Variants in LRRC37A2 observed in about 807,000 individuals in gnomAD.
LRRC37A2 encodes leucine-rich repeat-containing protein 37A2.
LRRC37A2 carries 9 observed loss-of-function variants against 68.8 expected under a neutral mutation model. The ratio of observed to expected loss-of-function variants is 0.13; its 90% CI spans 0.08 to 0.23. LRRC37A2 has a LOEUF of 0.23. Among genes scored for constraint, LRRC37A2 ranks in the 10% least tolerant of loss-of-function variants. The probability of loss-of-function intolerance (pLI) is 1.00; values close to 1 mark genes in which losing one functional copy is unlikely to be tolerated. For missense variants in LRRC37A2, 168 were observed against 950.4 expected (o/e 0.18, Z 10.82); for synonymous variants, 63 against 367.6 (o/e 0.17, Z 9.48).
At chr17:46,609,770 G>A in the LRRC37A2 span, among the ~76,000 whole-genome samples, 164 of 143,810 alleles carry the variant, frequency 1.1e-3, 5 homozygotes, top group Middle Eastern at 0.011. Flanking sequence ...AGATCATGCA[G>A]CATTGAAGAT....
chr17:46,438,282 T>G, the LRRC37A2 span, among the ~76,000 whole-genome samples: 1 of 63,854 alleles, frequency 1.6e-5, no homozygotes, highest in African/African-American at 4.8e-5. Flanking sequence ...GATGATAGTT[T>G]ATTGCCACAG....
the LRRC37A2 span, among the ~76,000 whole-genome samples, chr17:46,855,186 G>A: frequency 6.6e-6 from 1 of 152,242 alleles, no homozygotes; most frequent in East Asian, 1.9e-4. Flanking sequence ...AAGACAGTAT[G>A]ATTCCCCCAG....
chr17:46,939,970 A>G, the LRRC37A2 span: 11 of 1,009,560 alleles, frequency 1.1e-5, no homozygotes, highest in Non-Finnish European at 1.3e-5. Context: ...ATGGCAAGAC[A>G]TAAAATGACA....
At chr17:46,816,042 C>A in the LRRC37A2 span, among the ~76,000 whole-genome samples, 1 of 152,070 alleles carries the variant, frequency 6.6e-6, no homozygotes, top group Non-Finnish European at 1.5e-5. Flanking sequence ...TGGCCATGAG[C>A]ACTGATATTC....
chr17:46,498,709 AAATTATACCAGTGGT>A, the LRRC37A2 span, among the ~76,000 whole-genome samples: 1 of 143,676 alleles, frequency 7.0e-6, no homozygotes, highest in African/African-American at 2.8e-5. Context: ...GGCCAAAGGA[AAATTATACCAGTGGT>A]AATACTAGAA....
the LRRC37A2 span, among the ~76,000 whole-genome samples, chr17:46,904,479 TGGA>T: frequency 6.8e-6 from 1 of 147,478 alleles, no homozygotes; most frequent in Non-Finnish European, 1.5e-5. Flanking sequence ...GATGGATGGA[TGGA>T]TGGATGGATG....
the LRRC37A2 span, among the ~76,000 whole-genome samples, chr17:46,728,506 A>G: frequency 2.0e-5 from 3 of 152,024 alleles, no homozygotes; most frequent in Non-Finnish European, 2.9e-5. Context: ...ATGGCAACCT[A>G]TAATCCCAGC....
the LRRC37A2 span, chr17:46,769,676 C>T: frequency 2.7e-4 from 407 of 1,487,554 alleles, 1 homozygote; most frequent in Admixed American, 5.1e-4. Context: ...AAAAGGAGCC[C>T]GCGACCCACA....
chr17:46,818,973 C>A, the LRRC37A2 span, among the ~76,000 whole-genome samples: 2 of 152,124 alleles, frequency 1.3e-5, no homozygotes, highest in Non-Finnish European at 2.9e-5. Context: ...CCTCTGCTAC[C>A]GCCGCGGTCC....
the LRRC37A2 span, among the ~76,000 whole-genome samples, chr17:46,583,995 A>ATATAT: frequency 8.6e-5 from 1 of 11,582 alleles, no homozygotes; most frequent in Admixed American, 9.8e-4. Context: ...ATATATATAT[A>ATATAT]ATATATATTT....
the LRRC37A2 span, chr17:46,936,062 G>T: frequency 1.0e-6 from 1 of 985,742 alleles, no homozygotes; most frequent in Non-Finnish European, 1.2e-6. Flanking sequence ...CTCTACGGGG[G>T]AGAGGGTCAG....
the LRRC37A2 span, among the ~76,000 whole-genome samples, chr17:46,977,710 C>G: frequency 6.6e-6 from 1 of 152,256 alleles, no homozygotes; most frequent in Non-Finnish European, 1.5e-5. Context: ...TTTCTTCCGT[C>G]TACTCATCTG....
chr17:46,589,339 A>G, the LRRC37A2 span, among the ~76,000 whole-genome samples: 2 of 39,834 alleles, frequency 5.0e-5, no homozygotes, highest in African/African-American at 1.8e-4. Flanking sequence ...AATAGGCGTG[A>G]ATTTTTTTTT....
the LRRC37A2 span, among the ~76,000 whole-genome samples, chr17:46,794,790 A>C: frequency 7.3e-6 from 1 of 136,966 alleles, no homozygotes; most frequent in African/African-American, 2.8e-5. Flanking sequence ...TTGCTCTGTC[A>C]CTCAGGCTGG....
At chr17:46,831,749 A>C in the LRRC37A2 span, among the ~76,000 whole-genome samples, 1 of 152,218 alleles carries the variant, frequency 6.6e-6, no homozygotes, top group Non-Finnish European at 1.5e-5. Flanking sequence ...TTCCAGCTTC[A>C]GCTTTCTCCT....
At chr17:46,915,173 A>G in the LRRC37A2 span, among the ~76,000 whole-genome samples, 1 of 152,258 alleles carries the variant, frequency 6.6e-6, no homozygotes, top group African/African-American at 2.4e-5. Context: ...GAGGTCACAC[A>G]GTAGGATTCA....
chr17:46,900,179 A>ATG, the LRRC37A2 span, among the ~76,000 whole-genome samples: 8 of 115,492 alleles, frequency 6.9e-5, no homozygotes, highest in African/African-American at 3.6e-4. Flanking sequence ...ATATATATAT[A>ATG]TATATATATA....
chr17:46,950,259 C>T, the LRRC37A2 span, among the ~76,000 whole-genome samples: 1 of 152,214 alleles, frequency 6.6e-6, no homozygotes, highest in Non-Finnish European at 1.5e-5. Context: ...GGTCTTCTTC[C>T]CTCCATACTG....
the LRRC37A2 span, among the ~76,000 whole-genome samples, chr17:46,989,910 G>A: frequency 1.8e-4 from 27 of 152,252 alleles, no homozygotes; most frequent in African/African-American, 6.3e-4. Context: ...GAATGACAGA[G>A]CGAGACCAGC....
Sources: allele counts gnomAD v4.1 joint callset (sites outside exome capture counted in the v4.1 genomes callset), GRCh38; gene constraint gnomAD v4.1.1; transcripts MANE v1.5; gene names NCBI Gene and HGNC (gene_info 2026-07-23, HGNC 2026-07-21).